SPAST: variants seen among roughly 807,000 people sequenced by gnomAD.
SPAST encodes the protein spastin.
A neutral mutation model predicts 76.6 loss-of-function variants in SPAST; 30 were observed. That is an observed-to-expected ratio of 0.39 (90% CI 0.29 to 0.53). The LOEUF is 0.53. SPAST is among the 20% of genes least tolerant of loss of function. The pLI, the probability that SPAST is intolerant of heterozygous loss-of-function variation, is 0.68. For missense variants in SPAST, 717 were observed against 770.5 expected, an observed-to-expected ratio of 0.93 and a Z score of 0.82; for synonymous variants, 305 against 281.0, an observed-to-expected ratio of 1.09 and a Z score of -0.86.
At chr2:32,122,536 A>G (rs1488317443) in intron 7 of SPAST, among the ~76,000 whole-genome samples, 1 of 151,976 alleles carries the variant, frequency 6.6e-6, no homozygotes, top group African/African-American at 2.4e-5. Flanking sequence ...TGACCAGTCT[A>G]GTCTCGAACT....
chr2:32,063,615 C>T lies in SPAST; in HGVS notation c.-217C>T, dbSNP rs949335216. ...GGACAGCGACAGGAAGGGAGGGGCCCGAGCCACCGACTGCAGGAGGAGAAG... is the reference window on the plus strand; with the variant it reads ...GGACAGCGACAGGAAGGGAGGGGCCTGAGCCACCGACTGCAGGAGGAGAAG... On this transcript the variant is annotated 5_prime_UTR_variant, in exon 1 of 17. Coordinates refer to ENST00000315285, the MANE Select transcript of SPAST (RefSeq NM_014946.4). 1 of 590,726 alleles carries T rather than the reference C, an allele frequency of 1.7e-6. No individual in the cohort carries two copies. Among genetic ancestry groups the T allele is most frequent in the Non-Finnish European group, 2.9e-6 (1 of 347,008 alleles). 36.6% of individuals were successfully genotyped at this position (590,726 alleles called of 1,614,324 possible).
intron 9 of SPAST, among the ~76,000 whole-genome samples, chr2:32,131,742 A>T (rs1679376559): frequency 7.5e-6 from 1 of 132,994 alleles, no homozygotes; most frequent in East Asian, 2.2e-4. Context: ...GGCTCACTGC[A>T]GCCTCTGCCT....
rs542984706 is a variant in SPAST at position 32,100,765 on chromosome 2, C to G, written c.682+1874C>G. ...TCAGAATGATGGTTTCCAGCTTCATCCATGTCCCTACAAAGGACATGAACT... is the reference window on the plus strand; with the variant it reads ...TCAGAATGATGGTTTCCAGCTTCATGCATGTCCCTACAAAGGACATGAACT... On this transcript the variant is annotated intron_variant, in intron 4 of 16. Transcript: ENST00000315285. 2.3e-3 allele frequency among the ~76,000 whole-genome samples: 344 copies of G among 152,306 alleles called. 1 individual carries two copies. The highest frequency in any genetic ancestry group is 8.2e-3 in the African/African-American group (339 of 41,562).
At chr2:32,081,232 C>T (rs992969760) in intron 1 of SPAST, among the ~76,000 whole-genome samples, 8 of 151,810 alleles carry the variant, frequency 5.3e-5, no homozygotes, top group African/African-American at 1.2e-4. Context: ...GCTGGGATTA[C>T]AGGCGTGAGC....
At chr2:32,117,681 A>C (rs1678887611) in intron 7 of SPAST, among the ~76,000 whole-genome samples, 1 of 151,680 alleles carries the variant, frequency 6.6e-6, no homozygotes, top group Non-Finnish European at 1.5e-5. Context: ...ATAGGCATGC[A>C]CCCCAACACC....
At chr2:32,081,264 G>T (rs778160501) in intron 1 of SPAST, among the ~76,000 whole-genome samples, 15 of 150,650 alleles carry the variant, frequency 1.0e-4, no homozygotes, top group Non-Finnish European at 1.5e-4. Context: ...GCGTTTTTTT[G>T]TGTGTGTTTT....
At chr2:32,128,337 C>T (rs760998389) in intron 8 of SPAST, 71 bp from the exon 9 acceptor site, 8 of 1,117,762 alleles carry the variant, frequency 7.2e-6, no homozygotes, top group Non-Finnish European at 1.1e-5. Flanking sequence ...GTACTTAAAT[C>T]GGTAAATATG....
intron 1 of SPAST, among the ~76,000 whole-genome samples, chr2:32,073,334 G>T (rs1228632481): frequency 6.6e-6 from 1 of 152,110 alleles, no homozygotes; most frequent in Non-Finnish European, 1.5e-5. Context: ...CACCTGGCTG[G>T]ATATTGAATT....
chr2:32,149,469 C>T (rs1423206273), intron 16 of SPAST, among the ~76,000 whole-genome samples: 1 of 152,088 alleles, frequency 6.6e-6, no homozygotes, highest in East Asian at 1.9e-4. Flanking sequence ...AAAAAAGTTG[C>T]ATGTAAAATA....
At position 32,102,004 on chromosome 2, in the gene SPAST, C is replaced by A. The variant is rs554605833; in HGVS notation, c.682+3113C>A. ...AACTTTAAAGTAGTTTTTTCCAATT[C>A]TGTGAAGAAAGTCATTTGTAGCTTG... On this transcript the variant is annotated intron_variant, in intron 4 of 16. Coordinates refer to ENST00000315285, the MANE Select transcript of SPAST (RefSeq NM_014946.4). Among the ~76,000 whole-genome samples the A allele has an allele frequency of 9.6e-3, 1,456 of 152,216 alleles. 26 individuals are homozygous for A. The highest frequency in any genetic ancestry group is 0.05 in the South Asian group (242 of 4,824).
chr2:32,118,634 C>T (rs565513316), intron 7 of SPAST, among the ~76,000 whole-genome samples: 1 of 152,164 alleles, frequency 6.6e-6, no homozygotes, highest in South Asian at 2.1e-4. Context: ...GTCTTCTGAT[C>T]GATTCATTGA....
At chr2:32,132,665 T>A (rs1200304273) in intron 9 of SPAST, among the ~76,000 whole-genome samples, 1 of 152,064 alleles carries the variant, frequency 6.6e-6, no homozygotes, top group Non-Finnish European at 1.5e-5. Context: ...TATGCCTAGA[T>A]AAGAACTGAA....
intron 4 of SPAST, among the ~76,000 whole-genome samples, chr2:32,104,398 G>A (rs539158996): frequency 1.1e-4 from 16 of 152,152 alleles, no homozygotes; most frequent in Admixed American, 3.3e-4. Flanking sequence ...GTCTTGACTC[G>A]TTATCCAATT....
At position 32,109,179 on chromosome 2, in the gene SPAST, G is replaced by C. The variant is rs560148672; in HGVS notation, c.683-5459G>C. Among the ~76,000 whole-genome samples the C allele has an allele frequency of 7.2e-5, 11 of 152,218 alleles. No individual in the cohort carries two copies. The South Asian group carries it at 1.9e-3, about 26-fold the overall frequency. ...GCTGGAGTGCAGTGGCACGATTTCA[G>C]CTCACTGCAACCTCTGCCTCCTGGG... On this transcript the variant is annotated intron_variant, in intron 4 of 16. Coordinates refer to ENST00000315285, the MANE Select transcript of SPAST (RefSeq NM_014946.4).
chr2:32,084,791 G>A (rs1165013713), intron 1 of SPAST, among the ~76,000 whole-genome samples: 4 of 150,020 alleles, frequency 2.7e-5, no homozygotes, highest in African/African-American at 7.4e-5. Context: ...GGAGGCTGAG[G>A]CACAAGAATC....
rs1483026722 is a variant in SPAST at position 32,143,382 on chromosome 2, C to T, written c.1583C>T (p.Pro528Leu). 2 of 1,609,860 alleles carry T rather than the reference C, an allele frequency of 1.2e-6. No homozygotes were observed. ...LKNLLCKQGS[P>L]LTQKELAQLA... ...AATCTGTTATGTAAACAAGGAAGTC[C>T]ATTGACCCAAAAAGAACTAGCACAA... is the stretch of plus-strand genomic sequence containing the variant. Residue 528 changes from proline (P) to leucine (L), a missense_variant, in exon 14 of 17, where the codon CCA becomes CTA. By Grantham distance (98) the Pro-to-Leu change is moderately conservative. Transcript: ENST00000315285.
At chr2:32,110,287 T>C (rs906281373) in intron 4 of SPAST, among the ~76,000 whole-genome samples, 1 of 149,008 alleles carries the variant, frequency 6.7e-6, no homozygotes, top group African/African-American at 2.5e-5. Context: ...CCAGGCTAAT[T>C]TTTTGTATCT....
At chr2:32,124,145 A>G (rs1679113720) in intron 7 of SPAST, among the ~76,000 whole-genome samples, 1 of 152,210 alleles carries the variant, frequency 6.6e-6, no homozygotes, top group Admixed American at 6.5e-5. Context: ...AGTATCCAAA[A>G]TATACAAAGA....
rs188945296 is a variant in SPAST, at chr2:32,101,050, T to G, written c.682+2159T>G. On this transcript the variant is annotated intron_variant, in intron 4 of 16. Transcript: ENST00000315285. The stretch of plus-strand genomic sequence containing the variant: ...GGAATCGCCACACTGTCTTCCACAA[T>G]GGTTGAACTAGTTTACGTTCCCATC... Among the ~76,000 whole-genome samples the G allele has an allele frequency of 8.0e-3, 1,223 of 152,334 alleles. 18 individuals are homozygous for G. Among genetic ancestry groups the G allele is most frequent in the Non-Finnish European group, 0.012 (830 of 68,032 alleles).
Sources: gnomAD v4.1 joint callset for allele counts (sites outside exome capture counted in the v4.1 genomes callset) on GRCh38, gnomAD v4.1.1 for gene constraint, MANE v1.5 for transcripts, NCBI Gene and HGNC (gene_info 2026-07-23, HGNC 2026-07-21) for gene names.